The following EPS15 variants were observed in gnomAD, a reference collection of about 807,000 sequenced individuals.
EPS15 encodes epidermal growth factor receptor pathway substrate 15, also known as epidermal growth factor receptor substrate 15.
EPS15 carries 72 observed loss-of-function variants against 113.8 expected under a neutral mutation model. The observed-to-expected ratio is 0.63, with a 90% CI of 0.52 to 0.77. The LOEUF (loss-of-function observed/expected upper bound fraction) is 0.77, where lower values mean the gene tolerates loss of function less well. EPS15 is among the 30% of genes least tolerant of loss of function. The pLI is 0.00. For synonymous variants in EPS15, 344 were observed against 363.4 expected, an observed-to-expected ratio of 0.95 and a Z score of 0.61; for missense variants, 1,048 against 1,045.8, an observed-to-expected ratio of 1.00 and a Z score of -0.03.
At chr1:51,410,251 C>T (rs1313873563) in intron 13 of EPS15, among the ~76,000 whole-genome samples, 2 of 151,140 alleles carry the variant, frequency 1.3e-5, no homozygotes, top group South Asian at 2.1e-4. Context: ...ATTAGCTGGA[C>T]GTGGTAGTAC....
At chr1:51,409,729 C>T in intron 13 of EPS15, 33 bp from the exon 14 acceptor site, 4 of 1,497,942 alleles carry the variant, frequency 2.7e-6, no homozygotes, top group Non-Finnish European at 3.7e-6. Flanking sequence ...TATTTATTTT[C>T]TTTGCGGGCA....
chr1:51,519,141 G>A (rs1357006019), intron 1 of EPS15, 58 bp downstream of exon 1: 1 of 1,259,684 alleles, frequency 7.9e-7, no homozygotes. Flanking sequence ...CGAAGCTGAG[G>A]GCGGTGGGGG....
chr1:51,480,206 A>G (rs1465344128), intron 2 of EPS15, among the ~76,000 whole-genome samples: 3 of 152,258 alleles, frequency 2.0e-5, no homozygotes, highest in South Asian at 4.1e-4. Context: ...CTATGTAAAT[A>G]GCCAGGCCAA....
At chr1:51,367,040 AAAT>A (rs755278014) in intron 21 of EPS15, among the ~76,000 whole-genome samples, 10 of 152,268 alleles carry the variant, frequency 6.6e-5, no homozygotes, top group African/African-American at 7.2e-5. Flanking sequence ...ATATGTAAAC[AAAT>A]AATAATAAAA....
chr1:51,377,054 G>T (rs1351972531), intron 21 of EPS15, among the ~76,000 whole-genome samples: 1 of 152,054 alleles, frequency 6.6e-6, no homozygotes, highest in Non-Finnish European at 1.5e-5. Flanking sequence ...ATCGCCTGAG[G>T]TCAGCAGTTC....
intron 10 of EPS15, among the ~76,000 whole-genome samples, chr1:51,445,649 A>G (rs1652980585): frequency 6.6e-6 from 1 of 152,188 alleles, no homozygotes; most frequent in Admixed American, 6.5e-5. Context: ...AATTAAAAAA[A>G]AAAAAAGCTC....
intron 1 of EPS15, among the ~76,000 whole-genome samples, chr1:51,513,637 G>C (rs969002137): frequency 1.3e-5 from 2 of 152,000 alleles, no homozygotes; most frequent in Non-Finnish European, 2.9e-5. Flanking sequence ...AATTTATATT[G>C]GTTTTTTAAT....
At chr1:51,504,598 G>C (rs181116177) in intron 1 of EPS15, among the ~76,000 whole-genome samples, 233 of 151,918 alleles carry the variant, frequency 1.5e-3, no homozygotes, top group African/African-American at 5.4e-3. Context: ...AACAGGCAAA[G>C]AATATAAATA....
chr1:51,430,829 C>A (rs771430865), intron 12 of EPS15, among the ~76,000 whole-genome samples: 1 of 151,666 alleles, frequency 6.6e-6, no homozygotes, highest in Non-Finnish European at 1.5e-5. Flanking sequence ...CATGATGGCA[C>A]ATGCCTGTAG....
At chr1:51,476,438 G>A (rs1054038509) in intron 2 of EPS15, among the ~76,000 whole-genome samples, 1 of 151,972 alleles carries the variant, frequency 6.6e-6, no homozygotes, top group Non-Finnish European at 1.5e-5. Flanking sequence ...GCGTGTATGT[G>A]TTGAGGAATT....
intron 18 of EPS15, 36 bp downstream of exon 18, chr1:51,402,399 T>C: frequency 2.7e-6 from 3 of 1,115,518 alleles, no homozygotes; most frequent in Non-Finnish European, 3.9e-6. Context: ...GTCTTTTTTT[T>C]GGGTAAATCT....
intron 1 of EPS15, among the ~76,000 whole-genome samples, chr1:51,497,975 C>CAA (rs371365509): frequency 0.06 from 4,285 of 71,546 alleles, 111 homozygotes; most frequent in Non-Finnish European, 0.088. Flanking sequence ...GACCCCGTCT[C>CAA]AAAAAAAAAA....
chr1:51,410,565 C>A (rs1649614996), intron 13 of EPS15, among the ~76,000 whole-genome samples: 1 of 152,140 alleles, frequency 6.6e-6, no homozygotes, highest in Non-Finnish European at 1.5e-5. Context: ...TACCAGACCT[C>A]ATGCTTAATA....
chr1:51,469,882 G>C (rs74431719), intron 4 of EPS15, among the ~76,000 whole-genome samples: 1 of 147,944 alleles, frequency 6.8e-6, no homozygotes, highest in African/African-American at 2.5e-5. Context: ...AAAAAAAAAA[G>C]CCTCATACTG....
intron 8 of EPS15, among the ~76,000 whole-genome samples, chr1:51,451,505 A>AAAAAAGAAAGAAAG (rs763389428): frequency 2.7e-5 from 4 of 147,558 alleles, no homozygotes; most frequent in Non-Finnish European, 6.0e-5. Context: ...AAAAAAAAAA[A>AAAAAAGAAAGAAAG]AAAGAAAGAA....
intron 9 of EPS15, 30 bp from the exon 10 acceptor site, chr1:51,447,135 GC>G: frequency 6.4e-7 from 1 of 1,569,190 alleles, no homozygotes; most frequent in Non-Finnish European, 8.6e-7. Flanking sequence ...CAGTATTTCT[GC>G]CAAAATGAAA....
At chr1:51,390,668 A>G (rs1231322325) in intron 21 of EPS15, among the ~76,000 whole-genome samples, 1 of 152,216 alleles carries the variant, frequency 6.6e-6, no homozygotes, top group Non-Finnish European at 1.5e-5. Flanking sequence ...ATGAACAGAC[A>G]CTTCTCCAAA....
intron 1 of EPS15, among the ~76,000 whole-genome samples, chr1:51,484,112 C>T (rs10788935): frequency 1 from 152,185 of 152,196 alleles, 76,087 homozygotes; most frequent in Middle Eastern, 1. Flanking sequence ...CCCTGTCTCT[C>T]AAAAAAAAGT....
intron 21 of EPS15, among the ~76,000 whole-genome samples, chr1:51,385,279 T>C (rs906881802): frequency 2.0e-5 from 3 of 152,134 alleles, no homozygotes; most frequent in Non-Finnish European, 2.9e-5. Flanking sequence ...TATTTCTCCA[T>C]AGAAGATATA....
Sources: allele counts gnomAD v4.1 joint callset (sites outside exome capture counted in the v4.1 genomes callset), GRCh38; gene constraint gnomAD v4.1.1; transcripts MANE v1.5; gene names NCBI Gene and HGNC (gene_info 2026-07-23, HGNC 2026-07-21).